CREB5: variants seen among roughly 807,000 people sequenced by gnomAD.
CREB5 encodes the protein cAMP responsive element binding protein 5.
CREB5 carries 19 observed loss-of-function variants against 57.1 expected under a neutral mutation model. The observed-to-expected ratio is 0.33, with a 90% CI of 0.23 to 0.49. The LOEUF (loss-of-function observed/expected upper bound fraction) is 0.49. Among genes scored for constraint, CREB5 ranks in the 20% least tolerant of loss-of-function variants. CREB5 has a pLI of 0.99. For missense variants in CREB5, 579 were observed against 671.6 expected, an observed-to-expected ratio of 0.86 and a Z score of 1.52; for synonymous variants, 238 against 238.3, an observed-to-expected ratio of 1.00 and a Z score of 0.01.
intron 5 of CREB5, among the ~76,000 whole-genome samples, chr7:28,652,701 C>T (rs1255608488): frequency 1.3e-5 from 2 of 152,222 alleles, no homozygotes; most frequent in African/African-American, 4.8e-5. Context: ...GCACAATAAA[C>T]TGTTATTACA....
At chr7:28,658,961 A>ATATATATATATATGTG (rs1799459463) in intron 5 of CREB5, among the ~76,000 whole-genome samples, 4 of 136,820 alleles carry the variant, frequency 2.9e-5, no homozygotes, top group African/African-American at 1.0e-4. Context: ...GTGTATATAT[A>ATATATATATATATGTG]TATATATATA....
intron 1 of CREB5, among the ~76,000 whole-genome samples, chr7:28,430,189 T>C (rs1334284722): frequency 6.6e-6 from 1 of 152,230 alleles, no homozygotes; most frequent in Non-Finnish European, 1.5e-5. Context: ...ACAGACATTA[T>C]TGATCGATCG....
intron 5 of CREB5, among the ~76,000 whole-genome samples, chr7:28,647,390 A>G (rs956362798): frequency 3.3e-5 from 5 of 152,154 alleles, no homozygotes; most frequent in African/African-American, 1.2e-4. Context: ...AAAAGAGGAA[A>G]GTAGATTAGA....
At chr7:28,399,608 C>T (rs1787409781) in intron 1 of CREB5, among the ~76,000 whole-genome samples, 1 of 152,102 alleles carries the variant, frequency 6.6e-6, no homozygotes, top group South Asian at 2.1e-4. Context: ...AACTGGACCC[C>T]TACCTCTTAC....
intron 5 of CREB5, among the ~76,000 whole-genome samples, chr7:28,644,427 G>T (rs1029654849): frequency 6.6e-6 from 1 of 152,140 alleles, no homozygotes; most frequent in Non-Finnish European, 1.5e-5. Context: ...CCCATTTTGG[G>T]GGGCCAGACT....
chr7:28,582,544 G>A (rs1028375397), intron 5 of CREB5, among the ~76,000 whole-genome samples: 4 of 152,106 alleles, frequency 2.6e-5, no homozygotes, highest in Non-Finnish European at 4.4e-5. Context: ...TCATATTTCC[G>A]TGGTGGATTT....
intron 7 of CREB5, among the ~76,000 whole-genome samples, chr7:28,794,289 T>G (rs1048011378): frequency 1.3e-5 from 2 of 152,212 alleles, no homozygotes; most frequent in Admixed American, 1.3e-4. Context: ...GAGTAGTGTT[T>G]GTTAGCAAGA....
At chr7:28,741,763 C>G (rs1017819164) in intron 7 of CREB5, among the ~76,000 whole-genome samples, 6 of 152,006 alleles carry the variant, frequency 3.9e-5, no homozygotes, top group Non-Finnish European at 8.8e-5. Context: ...CATTTCATAG[C>G]CCTTAAACAT....
chr7:28,688,170 G>GT (rs1801047872), intron 5 of CREB5, among the ~76,000 whole-genome samples: 1 of 152,068 alleles, frequency 6.6e-6, no homozygotes, highest in Non-Finnish European at 1.5e-5. Flanking sequence ...TTTACTTCTT[G>GT]CTTTTTGGCA....
chr7:28,321,190 A>G (rs1785489505), intron 1 of CREB5, among the ~76,000 whole-genome samples: 1 of 152,182 alleles, frequency 6.6e-6, no homozygotes. Flanking sequence ...TAGCTTCCTA[A>G]TGCAAGCATT....
chr7:28,485,307 C>T (rs748284243), intron 1 of CREB5, among the ~76,000 whole-genome samples: 15 of 152,034 alleles, frequency 9.9e-5, no homozygotes, highest in Non-Finnish European at 1.2e-4. Context: ...CATAAATGTG[C>T]GTATATGAAA....
chr7:28,616,201 G>A (rs1797591126), intron 5 of CREB5, among the ~76,000 whole-genome samples: 1 of 152,108 alleles, frequency 6.6e-6, no homozygotes, highest in Non-Finnish European at 1.5e-5. Flanking sequence ...TTCCCATGTG[G>A]TATGGCACAT....
chr7:28,403,519 T>C (rs1486796540), intron 1 of CREB5, among the ~76,000 whole-genome samples: 3 of 152,184 alleles, frequency 2.0e-5, no homozygotes, highest in South Asian at 2.1e-4. Context: ...TCCTAGGAGA[T>C]AGATGCTGAT....
At chr7:28,364,056 A>G (rs1037892386) in intron 1 of CREB5, among the ~76,000 whole-genome samples, 1 of 152,250 alleles carries the variant, frequency 6.6e-6, no homozygotes, top group African/African-American at 2.4e-5. Flanking sequence ...ATGGATAAGT[A>G]AACATTTACC....
chr7:28,644,599 G>GTTTCAGTTTGAAATTTTGAA lies in CREB5; in HGVS notation c.464+74067_464+74068insGTTTGAAATTTTGAATTTCA, dbSNP rs1362928725. 7.7e-3 allele frequency among the ~76,000 whole-genome samples: 1,175 copies of GTTTCAGTTTGAAATTTTGAA among 151,844 alleles called. 15 individuals carry two copies. The highest frequency in any genetic ancestry group is 0.026 in the African/African-American group (1,081 of 41,306). ...GAAGGTCAAGGAATTAAAACATTAT[G>GTTTCAGTTTGAAATTTTGAA]TTTCAATTTGAAATTTTGAATTTCA... On this transcript the variant is annotated intron_variant, in intron 5 of 10. Coordinates refer to ENST00000357727, the MANE Select transcript of CREB5 (RefSeq NM_182898.4).
intron 4 of CREB5, among the ~76,000 whole-genome samples, chr7:28,535,533 T>G (rs1793926552): frequency 6.6e-6 from 1 of 151,884 alleles, no homozygotes; most frequent in Non-Finnish European, 1.5e-5. Flanking sequence ...TCACTTATGC[T>G]TGTTTAAAAA....
At chr7:28,683,713 C>A (rs1800714673) in intron 5 of CREB5, among the ~76,000 whole-genome samples, 2 of 152,188 alleles carry the variant, frequency 1.3e-5, no homozygotes, top group South Asian at 4.1e-4. Flanking sequence ...AAGCTATCAT[C>A]TCCTTTGTTA....
intron 1 of CREB5, among the ~76,000 whole-genome samples, chr7:28,395,389 A>G (rs1413049773): frequency 3.3e-5 from 5 of 152,200 alleles, no homozygotes; most frequent in African/African-American, 4.8e-5. Flanking sequence ...GTGAAGATGA[A>G]TATTTGTTAG....
intron 5 of CREB5, among the ~76,000 whole-genome samples, chr7:28,699,871 T>C (rs1011521000): frequency 6.6e-6 from 1 of 152,090 alleles, no homozygotes; most frequent in South Asian, 2.1e-4. Flanking sequence ...CAAATGTCTC[T>C]CTCTAATGCA....
Sources: gnomAD v4.1 joint callset for allele counts (sites outside exome capture counted in the v4.1 genomes callset) on GRCh38, gnomAD v4.1.1 for gene constraint, MANE v1.5 for transcripts, NCBI Gene and HGNC (gene_info 2026-07-23, HGNC 2026-07-21) for gene names.